EBF2: variants seen among roughly 807,000 people sequenced by gnomAD.
The protein encoded by EBF2 is transcription factor COE2.
Under a neutral mutation model 72.8 loss-of-function variants are expected in EBF2, and 21 were observed. The ratio of observed to expected loss-of-function variants is 0.29; its 90% confidence interval spans 0.20 to 0.42. EBF2 has a LOEUF of 0.42. EBF2 is among the 10% of genes least tolerant of loss of function. The probability of loss-of-function intolerance (pLI) is 1.00; values close to 1 mark genes in which losing one functional copy is unlikely to be tolerated. For synonymous variants in EBF2, 299 were observed against 274.2 expected, an observed-to-expected ratio of 1.09 and a Z score of -0.89; for missense variants, 637 against 731.2, an observed-to-expected ratio of 0.87 and a Z score of 1.49.
intron 6 of EBF2, among the ~76,000 whole-genome samples, chr8:25,987,503 C>G (rs988559501): frequency 4.6e-5 from 7 of 152,140 alleles, no homozygotes; most frequent in African/African-American, 1.7e-4. Context: ...ATCGTATCAC[C>G]TTTTATGTGC....
In EBF2 at chr8:25,899,806, C is replaced by T. The variant is rs1015580524; in HGVS notation, c.633+8668G>A. 9.9e-5 allele frequency among the ~76,000 whole-genome samples: 15 copies of T among 152,072 alleles called. 1 individual carries two copies. The highest frequency in any genetic ancestry group is 2.6e-4 in the Admixed American group (4 of 15,266). On this transcript the variant is annotated intron_variant, in intron 7 of 15. Transcript: ENST00000520164. Reference sequence around the variant, plus strand: ...TGCCCCATCGTTCTTCTGCAGTTGTCGCATCCAGCATGTTGCAGCAACAGG... The same window carrying T: ...TGCCCCATCGTTCTTCTGCAGTTGTTGCATCCAGCATGTTGCAGCAACAGG...
At chr8:25,899,905 C>T (rs1324339537) in intron 7 of EBF2, among the ~76,000 whole-genome samples, 1 of 152,226 alleles carries the variant, frequency 6.6e-6, no homozygotes, top group Non-Finnish European at 1.5e-5. Context: ...TTCCTTTCTC[C>T]ATTCCCATCC....
chr8:25,866,896 C>T (rs1267701956), intron 10 of EBF2, among the ~76,000 whole-genome samples: 5 of 151,626 alleles, frequency 3.3e-5, no homozygotes, highest in African/African-American at 9.7e-5. Flanking sequence ...CCTCCCAAAG[C>T]GCTGGGATTA....
intron 6 of EBF2, among the ~76,000 whole-genome samples, chr8:26,002,840 A>G (rs1026136452): frequency 2.0e-4 from 24 of 119,022 alleles, no homozygotes; most frequent in African/African-American, 5.4e-4. Flanking sequence ...GCAGGCAGGC[A>G]GGCAGGCAGG....
At chr8:25,974,645 C>A (rs534970164) in intron 6 of EBF2, among the ~76,000 whole-genome samples, 5 of 152,248 alleles carry the variant, frequency 3.3e-5, no homozygotes, top group South Asian at 2.1e-4. Context: ...ATTTTAAAAA[C>A]TATTTCTGAC....
chr8:25,994,257 A>G (rs1021333929), intron 6 of EBF2, among the ~76,000 whole-genome samples: 1 of 152,202 alleles, frequency 6.6e-6, no homozygotes, highest in Non-Finnish European at 1.5e-5. Context: ...ATTAGTCTGG[A>G]TATAGTAGCC....
chr8:25,885,809 T>C (rs1476206470), intron 10 of EBF2, among the ~76,000 whole-genome samples: 1 of 152,208 alleles, frequency 6.6e-6, no homozygotes, highest in African/African-American at 2.4e-5. Context: ...CCATTGAAAC[T>C]CTTTTTCTTT....
intron 6 of EBF2, among the ~76,000 whole-genome samples, chr8:25,967,016 T>A (rs781567104): frequency 6.6e-5 from 10 of 152,198 alleles, no homozygotes; most frequent in African/African-American, 2.4e-4. Flanking sequence ...AAAGCTGCCA[T>A]GGATGCTGCT....
intron 1 of EBF2, among the ~76,000 whole-genome samples, chr8:26,042,565 G>A (rs1032348012): frequency 2.6e-5 from 4 of 152,078 alleles, no homozygotes; most frequent in Admixed American, 6.5e-5. Context: ...GCAGACAGAG[G>A]CCCAGAGTGG....
At chr8:25,978,269 G>C (rs552750486) in intron 6 of EBF2, among the ~76,000 whole-genome samples, 1 of 120,344 alleles carries the variant, frequency 8.3e-6, no homozygotes, top group South Asian at 3.0e-4. Flanking sequence ...GAGGGGCCTC[G>C]GGTTGGGGGT....
intron 7 of EBF2, among the ~76,000 whole-genome samples, chr8:25,891,155 G>A (rs1479879110): frequency 6.6e-6 from 1 of 152,208 alleles, no homozygotes; most frequent in East Asian, 1.9e-4. Context: ...CAGGAAACAA[G>A]TAGCACAAAG....
chr8:25,858,084 TA>T, intron 14 of EBF2: 1 of 658,514 alleles, frequency 1.5e-6, no homozygotes, highest in South Asian at 1.5e-5. Flanking sequence ...TCTTTCTCTA[TA>T]AAAACGGAAT....
chr8:25,985,221 G>A (rs910818660), intron 6 of EBF2, among the ~76,000 whole-genome samples: 2 of 152,176 alleles, frequency 1.3e-5, no homozygotes, highest in Non-Finnish European at 2.9e-5. Context: ...AACACCAAGT[G>A]TAAGAGTGCC....
intron 6 of EBF2, among the ~76,000 whole-genome samples, chr8:25,910,728 G>A (rs533350335): frequency 6.6e-6 from 1 of 151,972 alleles, no homozygotes; most frequent in Non-Finnish European, 1.5e-5. Flanking sequence ...TTGCTTGTCT[G>A]GGGGGCTGAA....
chr8:25,941,288 C>A (rs1803665380), intron 6 of EBF2, among the ~76,000 whole-genome samples: 1 of 151,910 alleles, frequency 6.6e-6, no homozygotes, highest in East Asian at 1.9e-4. Context: ...TCACTGCAAC[C>A]TCCGCCTCCC....
At chr8:25,990,824 T>A (rs1364395707) in intron 6 of EBF2, among the ~76,000 whole-genome samples, 1 of 152,248 alleles carries the variant, frequency 6.6e-6, no homozygotes, top group Admixed American at 6.5e-5. Flanking sequence ...CTCTTCTGTG[T>A]ATTCTTCCCA....
rs1016585284 is a variant in EBF2, at chr8:25,841,776, A to T, written c.*2833T>A. 7.9e-5 allele frequency: 12 copies of T among 152,216 alleles called. No individual in the cohort carries two copies. Among genetic ancestry groups the T allele is most frequent in the African/African-American group, 2.9e-4 (12 of 41,466 alleles). 9.4% of individuals were successfully genotyped at this position (152,216 alleles called of 1,614,324 possible). On this transcript the variant is annotated 3_prime_UTR_variant, in exon 16 of 16. Coordinates refer to ENST00000520164, the MANE Select transcript of EBF2 (RefSeq NM_022659.4). ...TTTGTTAGGATAATTTAAAGTTTAA[A>T]ACTGAAGTAGACATATTCATTTTAC...
chr8:26,018,136 G>A lies in EBF2; in HGVS notation c.551+14949C>T, dbSNP rs138252420. Among the ~76,000 whole-genome samples, 419 of 150,210 alleles carry A rather than the reference G, an allele frequency of 2.8e-3. 1 individual carries two copies. The Middle Eastern group carries it at 0.031, about 11-fold the overall frequency. On this transcript the variant is annotated intron_variant, in intron 6 of 15. Transcript: ENST00000520164. ...AGTTTTTTTTTTTTTCTCTCCCTTC[G>A]CAGGAGCAAACAAATGGCCCATTGA...
At chr8:26,040,569 T>A in intron 4 of EBF2, 47 bp downstream of exon 4, 1 of 1,524,512 alleles carries the variant, frequency 6.6e-7, no homozygotes, top group Non-Finnish European at 8.8e-7. Context: ...GGTTTGGGGG[T>A]CGGGGTCAGA....
Sources: allele counts gnomAD v4.1 joint callset (sites outside exome capture counted in the v4.1 genomes callset), GRCh38; gene constraint gnomAD v4.1.1; transcripts MANE v1.5; gene names NCBI Gene and HGNC (gene_info 2026-07-23, HGNC 2026-07-21).